The following USP8 variants were observed in gnomAD, a reference collection of about 807,000 sequenced individuals.
The protein encoded by USP8 is ubiquitin carboxyl-terminal hydrolase 8.
In USP8, 27 loss-of-function variants were observed where a neutral mutation model predicts 130.0. The observed-to-expected ratio is 0.21, with a 90% confidence interval of 0.15 to 0.29. USP8 has a LOEUF of 0.29. Among genes scored for constraint, USP8 ranks in the 10% least tolerant of loss-of-function variants. The pLI is 1.00. For synonymous variants in USP8, 392 were observed against 444.1 expected (o/e 0.88, Z 1.48); for missense variants, 1,029 against 1,312.2 (o/e 0.78, Z 3.33).
In USP8 at chr15:50,509,462, A is replaced by G. The variant is rs1198919016; in HGVS notation, c.*10374A>G. 1 of 152,102 alleles carries G rather than the reference A, an allele frequency of 6.6e-6. No individual in the cohort carries two copies. Among genetic ancestry groups the G allele is most frequent in the African/African-American group, 2.4e-5 (1 of 41,378 alleles). 9.4% of individuals were successfully genotyped at this position (152,102 alleles called of 1,614,324 possible). ...GGAAATTGAGACTATCCTGGCTAAC[A>G]CGGTGAAACACCGTCTCTACTAAAA... On this transcript the variant is annotated 3_prime_UTR_variant, in exon 20 of 20. Coordinates refer to ENST00000307179, the MANE Select transcript of USP8 (RefSeq NM_005154.5).
At position 50,503,788 on chromosome 15, in the gene USP8, A is replaced by G. The variant is rs2052622240; in HGVS notation, c.*4700A>G. The G allele has an allele frequency of 1.3e-5, 2 of 152,240 alleles. No individual in the cohort carries two copies. The allele number at this position is 152,240 out of a possible 1,614,324, so 9.4% of individuals were successfully genotyped here. ...TGTTGCATGTTAACTCAGACCTAAC[A>G]GGATATCCACATATGAAACCCCAAT... On this transcript the variant is annotated 3_prime_UTR_variant, in exon 20 of 20. Transcript: ENST00000307179.
Position 50,500,987 on chromosome 15 carries a change from C to CCTGA in USP8, c.*1903_*1906dup, listed in dbSNP as rs2052575033. On this transcript the variant is annotated 3_prime_UTR_variant, in exon 20 of 20. Transcript: ENST00000307179. ...TTTTGTTGTTAAATCATGCATATAGCCTGACTGCTATATTGCTTCTCATTT... is the reference window on the plus strand; with the variant it reads ...TTTTGTTGTTAAATCATGCATATAGCCTGACTGACTGCTATATTGCTTCTCATTT... 7.8e-6 allele frequency: 5 copies of CCTGA among 641,290 alleles called. No individual in the cohort carries two copies. The highest frequency in any genetic ancestry group is 1.4e-5 in the Non-Finnish European group (5 of 362,014). 39.7% of individuals were successfully genotyped at this position (641,290 alleles called of 1,614,324 possible).
At chr15:50,430,492 C>T (rs2049896137) in intron 1 of USP8, among the ~76,000 whole-genome samples, 1 of 152,130 alleles carries the variant, frequency 6.6e-6, no homozygotes, top group Non-Finnish European at 1.5e-5. Context: ...CAAGCTCAAC[C>T]TCCCAGGCTC....
In USP8 at chr15:50,438,774, C is replaced by T. The variant is rs528291830; in HGVS notation, c.-65-235C>T. On this transcript the variant is annotated intron_variant, in intron 1 of 19. Coordinates refer to ENST00000307179, the MANE Select transcript of USP8 (RefSeq NM_005154.5). ...TTCCTTTGACAGGTAAGATTCCCAA[C>T]TCTTAAGGCAAAATGATACAAAAAG... Among the ~76,000 whole-genome samples the T allele has an allele frequency of 3.9e-5, 6 of 152,224 alleles. No individual in the cohort carries two copies. The South Asian group carries it at 8.3e-4, about 21-fold the overall frequency.
Position 50,481,628 on chromosome 15 carries a change from A to G in USP8, c.1366A>G (p.Met456Val), listed in dbSNP as rs778167683. ...GCCAGTAGTTTTTTCTCCAACTCTC[A>G]TGTTAACAGATGAAGAAAAGGCTCG... ...TKPVVFSPTL[M>V]LTDEEKARIH... Residue 456 changes from methionine to valine, a missense_variant, in exon 11 of 20, where the codon ATG becomes GTG. Coordinates refer to ENST00000307179, the MANE Select transcript of USP8 (RefSeq NM_005154.5). 1.2e-6 allele frequency: 2 copies of G among 1,614,074 alleles called. No homozygotes were observed. Among genetic ancestry groups the G allele is most frequent in the South Asian group, 1.1e-5 (1 of 91,052 alleles).
At position 50,486,007 on chromosome 15, in the gene USP8, A is replaced by G. The variant is rs76646760; in HGVS notation, c.1890+1646A>G. On this transcript the variant is annotated intron_variant, in intron 12 of 19. Coordinates refer to ENST00000307179, the MANE Select transcript of USP8 (RefSeq NM_005154.5). ...GAGTTATTTTTTTCAAGTATTTTCAATCTGTGGATGGTTGAATTCACAGAT... is the reference window on the plus strand; with the variant it reads ...GAGTTATTTTTTTCAAGTATTTTCAGTCTGTGGATGGTTGAATTCACAGAT... Among the ~76,000 whole-genome samples the G allele has an allele frequency of 4.0e-3, 610 of 152,240 alleles. 5 individuals carry two copies. Among genetic ancestry groups the G allele is most frequent in the African/African-American group, 0.014 (570 of 41,538 alleles).
chr15:50,492,823 G>T lies in USP8; in HGVS notation c.2357G>T (p.Cys786Phe). Residue 786 changes from cysteine (C) to phenylalanine (F), a missense_variant, in exon 15 of 20, where the codon TGT becomes TTT. Transcript: ENST00000307179. ...GGACTTCGTAACTTAGGAAATACTT[G>T]TTATATGAACTCAATATTGCAGTGC... ...LTGLRNLGNTCYMNSILQCLC... is the reference protein window; with the variant it reads ...LTGLRNLGNTFYMNSILQCLC... The T allele has an allele frequency of 6.2e-7, 1 of 1,614,042 alleles. No homozygotes were observed. Among genetic ancestry groups the T allele is most frequent in the Non-Finnish European group, 8.5e-7 (1 of 1,180,000 alleles).
At chr15:50,471,902 C>CTTTTTT in intron 8 of USP8, 107 bp downstream of exon 8, 4 of 882,564 alleles carry the variant, frequency 4.5e-6, no homozygotes, top group East Asian at 3.1e-5. Flanking sequence ...TTCATCATGC[C>CTTTTTT]TTTTTTTTTT....
intron 10 of USP8, among the ~76,000 whole-genome samples, chr15:50,479,387 G>A (rs1178693386): frequency 6.6e-6 from 1 of 152,144 alleles, no homozygotes; most frequent in Non-Finnish European, 1.5e-5. Flanking sequence ...AGTCTCTGTT[G>A]GAGAGAGGAA....
intron 8 of USP8, among the ~76,000 whole-genome samples, chr15:50,472,333 A>T (rs1296470516): frequency 3.3e-5 from 5 of 149,776 alleles, no homozygotes; most frequent in East Asian, 2.0e-4. Context: ...CGGTGGCTCA[A>T]GCCTGTAACC....
Position 50,441,340 on chromosome 15 carries a change from A to G in USP8, c.105-9A>G. 1.3e-6 allele frequency: 2 copies of G among 1,570,712 alleles called. No individual in the cohort carries two copies. The highest frequency in any genetic ancestry group is 2.4e-5 in the South Asian group (2 of 83,992). On this transcript the variant is annotated splice_polypyrimidine_tract_variant and intron_variant, in intron 2 of 19. Coordinates refer to ENST00000307179, the MANE Select transcript of USP8 (RefSeq NM_005154.5). ...TTGCTTTAATTATTATTTTTTCTCT[A>G]ATTTTAAGTTATGTGCACAGTGCCC...
At chr15:50,447,559 T>C (rs879330272) in intron 3 of USP8, among the ~76,000 whole-genome samples, 5 of 150,968 alleles carry the variant, frequency 3.3e-5, no homozygotes, top group African/African-American at 1.2e-4. Context: ...GTTTTTTTTT[T>C]CTTTTCTTTT....
chr15:50,495,633 A>G (rs1247508167), intron 16 of USP8, among the ~76,000 whole-genome samples: 1 of 152,096 alleles, frequency 6.6e-6, no homozygotes, highest in African/African-American at 2.4e-5. Flanking sequence ...AATTTGGGAA[A>G]TTTCAACAAG....
chr15:50,429,138 C>A (rs1214720777), intron 1 of USP8, among the ~76,000 whole-genome samples: 1 of 152,040 alleles, frequency 6.6e-6, no homozygotes, highest in Non-Finnish European at 1.5e-5. Flanking sequence ...GTAGCTGAAA[C>A]CATGGAAAGC....
intron 15 of USP8, chr15:50,493,157 T>A: frequency 3.4e-6 from 2 of 582,510 alleles, no homozygotes; most frequent in South Asian, 3.0e-5. Context: ...GAGGACAGAC[T>A]CGTCCTGTCG....
At chr15:50,453,922 GCATGATCTTGGCT>G (rs1486952115) in intron 4 of USP8, among the ~76,000 whole-genome samples, 4 of 135,764 alleles carry the variant, frequency 2.9e-5, no homozygotes, top group African/African-American at 1.1e-4. Flanking sequence ...GAGTGCAGTG[GCATGATCTTGGCT>G]CACTGCAACT....
At chr15:50,496,406 T>G (rs3098179) in intron 17 of USP8, among the ~76,000 whole-genome samples, 71,098 of 149,896 alleles carry the variant, frequency 0.47, 17,172 homozygotes, top group East Asian at 0.58. Flanking sequence ...GCGTGAACCC[T>G]GGAGGCGGAG....
intron 6 of USP8, chr15:50,463,413 T>C (rs1052878823): frequency 6.6e-6 from 1 of 152,208 alleles, no homozygotes; most frequent in African/African-American, 2.4e-5. Flanking sequence ...GCGCCCGATC[T>C]CGGGAGCGAA....
In USP8 at chr15:50,476,855, A is replaced by C; in HGVS notation, c.856A>C (p.Ser286Arg). The change falls in exon 9 of 20, where the codon AGT (serine) becomes CGT (arginine). Residue 286 changes from serine to arginine, a missense_variant. Transcript: ENST00000307179. ...SLKDALFKWE[S>R]KTVLRNEPLV... is the part of the protein sequence containing the mutation. ...ATGATTTCCTTATTTATAGTGGGAA[A>C]GTAAAACTGTCCTGCGCAATGAGCC... The C allele has an allele frequency of 6.4e-7, 1 of 1,559,834 alleles. No homozygotes were observed.
Sources: gnomAD v4.1 joint callset for allele counts (sites outside exome capture counted in the v4.1 genomes callset) on GRCh38, gnomAD v4.1.1 for gene constraint, MANE v1.5 for transcripts, NCBI Gene and HGNC (gene_info 2026-07-23, HGNC 2026-07-21) for gene names.